Variants in XPO6 observed in about 807,000 individuals in gnomAD.
XPO6 encodes the protein exportin 6.
Under a neutral mutation model 130.0 loss-of-function variants are expected in XPO6, and 3 were observed. The ratio of observed to expected loss-of-function variants is 0.02; its 90% CI spans 0.01 to 0.06. XPO6 has a LOEUF of 0.06. Among genes scored for constraint, XPO6 ranks in the 10% least tolerant of loss-of-function variants. The pLI, the probability that XPO6 is intolerant of heterozygous loss-of-function variation, is 1.00. For synonymous variants in XPO6, 524 were observed against 548.9 expected, an observed-to-expected ratio of 0.95 and a Z score of 0.63; for missense variants, 970 against 1,393.0, an observed-to-expected ratio of 0.70 and a Z score of 4.83.
intron 5 of XPO6, among the ~76,000 whole-genome samples, chr16:28,168,833 T>C (rs1434415303): frequency 1.3e-5 from 2 of 151,756 alleles, no homozygotes; most frequent in Non-Finnish European, 2.9e-5. Flanking sequence ...TAGTCTGGTC[T>C]CAAACTCCTG....
At chr16:28,156,627 T>C (rs1475582493) in intron 6 of XPO6, 100 bp from the exon 7 acceptor site, 25 of 685,884 alleles carry the variant, frequency 3.6e-5, no homozygotes, top group Non-Finnish European at 5.2e-5. Flanking sequence ...TATGTATACA[T>C]ATATGTATCA....
intron 5 of XPO6, 125 bp downstream of exon 5, chr16:28,169,625 G>T: frequency 8.0e-7 from 1 of 1,248,072 alleles, no homozygotes; most frequent in Non-Finnish European, 1.1e-6. Context: ...TGGGAACGCA[G>T]CTTCCCATTT....
At chr16:28,189,665 C>T (rs183423478) in intron 1 of XPO6, among the ~76,000 whole-genome samples, 2 of 152,128 alleles carry the variant, frequency 1.3e-5, no homozygotes, top group African/African-American at 4.8e-5. Context: ...GGCAGGCGCG[C>T]CCACCCCTCT....
chr16:28,179,016 A>G (rs28624638), intron 2 of XPO6: 148,497 of 151,230 alleles, frequency 0.98, 72,921 homozygotes, highest in South Asian at 1. Context: ...GCAGTGAGCC[A>G]AGATTGCGCC....
At chr16:28,181,516 T>A (rs2043615041) in intron 1 of XPO6, among the ~76,000 whole-genome samples, 1 of 97,636 alleles carries the variant, frequency 1.0e-5, no homozygotes, top group African/African-American at 2.9e-5. Context: ...CCAGGGAGAG[T>A]GGTTTTTTTT....
intron 6 of XPO6, among the ~76,000 whole-genome samples, chr16:28,160,822 T>C (rs1258729124): frequency 2.6e-5 from 4 of 152,208 alleles, no homozygotes; most frequent in African/African-American, 9.6e-5. Flanking sequence ...AGCTGAGAAG[T>C]GTTTAAATAT....
chr16:28,209,687 G>C (rs942993258), intron 1 of XPO6, among the ~76,000 whole-genome samples: 10 of 149,684 alleles, frequency 6.7e-5, no homozygotes, highest in African/African-American at 2.5e-4. Flanking sequence ...AATGAAGGAA[G>C]GAATGAGTGC....
intron 9 of XPO6, among the ~76,000 whole-genome samples, chr16:28,143,414 AT>A (rs1370115322): frequency 6.6e-6 from 1 of 152,204 alleles, no homozygotes; most frequent in African/African-American, 2.4e-5. Context: ...AATCCTAACC[AT>A]CCTGCAAGAG....
chr16:28,100,663 T>C (rs76436461), intron 23 of XPO6, among the ~76,000 whole-genome samples: 2,807 of 152,266 alleles, frequency 0.018, 89 homozygotes, highest in African/African-American at 0.065. Flanking sequence ...AGCGATTTCT[T>C]TTCCTAATTT....
chr16:28,208,573 G>A (rs1216979580), intron 1 of XPO6, among the ~76,000 whole-genome samples: 1 of 152,116 alleles, frequency 6.6e-6, no homozygotes, highest in Non-Finnish European at 1.5e-5. Flanking sequence ...AATAACTGAG[G>A]TCTAGGTGAC....
intron 15 of XPO6, among the ~76,000 whole-genome samples, chr16:28,115,540 C>T (rs1022830793): frequency 9.2e-5 from 14 of 152,192 alleles, no homozygotes; most frequent in African/African-American, 3.4e-4. Flanking sequence ...TGCTGTCATT[C>T]AGGCTTTGTT....
intron 8 of XPO6, among the ~76,000 whole-genome samples, chr16:28,151,749 T>C (rs1005919200): frequency 2.0e-5 from 3 of 152,224 alleles, no homozygotes; most frequent in Non-Finnish European, 2.9e-5. Flanking sequence ...AACACACAGC[T>C]GGGCACGGTA....
At chr16:28,133,725 A>C in intron 11 of XPO6, 116 bp downstream of exon 11, 1 of 913,364 alleles carries the variant, frequency 1.1e-6, no homozygotes, top group Non-Finnish European at 1.6e-6. Context: ...TTCTGTTTTT[A>C]AAAATTACAT....
intron 12 of XPO6, among the ~76,000 whole-genome samples, chr16:28,130,972 G>A (rs886959320): frequency 6.6e-5 from 10 of 152,060 alleles, no homozygotes; most frequent in African/African-American, 2.4e-4. Flanking sequence ...TGTCTTCAGG[G>A]TCCTGAGTAC....
chr16:28,146,287 A>T, intron 8 of XPO6, 84 bp from the exon 9 acceptor site: 1 of 1,062,652 alleles, frequency 9.4e-7, no homozygotes, highest in Admixed American at 2.0e-5. Flanking sequence ...GTTTAATTCC[A>T]GCAGAATGAT....
At chr16:28,165,314 CTGAATCATTTCCAAATGTT>C (rs552696354) in intron 6 of XPO6, 2 of 152,252 alleles carry the variant, frequency 1.3e-5, no homozygotes, top group Admixed American at 6.5e-5. Flanking sequence ...AATCAAATCT[CTGAATCATTTCCAAATGTT>C]TCTTTAATCT....
chr16:28,149,477 T>C (rs1047133463), intron 8 of XPO6, among the ~76,000 whole-genome samples: 16 of 152,230 alleles, frequency 1.1e-4, no homozygotes, highest in Admixed American at 9.8e-4. Context: ...CCATCAACAA[T>C]AGACTGCATG....
chr16:28,148,870 T>C (rs1209799841), intron 8 of XPO6, among the ~76,000 whole-genome samples: 6 of 151,724 alleles, frequency 4.0e-5, no homozygotes, highest in Non-Finnish European at 7.4e-5. Context: ...GGTGAAACCC[T>C]ATCTCTACTA....
At chr16:28,164,532 C>T (rs552250006) in intron 6 of XPO6, among the ~76,000 whole-genome samples, 1 of 152,204 alleles carries the variant, frequency 6.6e-6, no homozygotes, top group South Asian at 2.1e-4. Flanking sequence ...CCTAAGTGCC[C>T]CCACAGTCTC....
Sources: allele counts gnomAD v4.1 joint callset (sites outside exome capture counted in the v4.1 genomes callset), GRCh38; gene constraint gnomAD v4.1.1; transcripts MANE v1.5; gene names NCBI Gene and HGNC (gene_info 2026-07-23, HGNC 2026-07-21).